ZNF793: variants seen among roughly 807,000 people sequenced by gnomAD.
ZNF793 encodes zinc finger protein 793.
In ZNF793, 5 loss-of-function variants were observed where a neutral mutation model predicts 12.4. The ratio of observed to expected loss-of-function variants is 0.40; its 90% confidence interval spans 0.21 to 0.84. The LOEUF (loss-of-function observed/expected upper bound fraction) is 0.84. ZNF793 is among the 40% of genes least tolerant of loss of function. The probability of loss-of-function intolerance (pLI) is 0.35; values close to 1 mark genes in which losing one functional copy is unlikely to be tolerated. For synonymous variants in ZNF793, 162 were observed against 172.4 expected (o/e 0.94, Z 0.47); for missense variants, 456 against 495.0 (o/e 0.92, Z 0.75).
At chr19:37,523,267 G>T in intron 4 of ZNF793, 143 bp from the exon 5 acceptor site, 1 of 667,880 alleles carries the variant, frequency 1.5e-6, no homozygotes, top group Non-Finnish European at 2.6e-6. Context: ...CAAATAAGGT[G>T]TAAGCCACCA....
intron 5 of ZNF793, among the ~76,000 whole-genome samples, chr19:37,528,867 C>T (rs1600416907): frequency 1.3e-5 from 2 of 152,184 alleles, no homozygotes; most frequent in South Asian, 4.1e-4. Context: ...GGGCACCCTG[C>T]TCTCCCCGTC....
At chr19:37,536,241 A>T (rs1472301483) in intron 7 of ZNF793, 1 of 390,672 alleles carries the variant, frequency 2.6e-6, no homozygotes, top group East Asian at 3.6e-5. Context: ...CCAACATGAT[A>T]TTCCCTTGGA....
rs2042550901 is a variant in ZNF793 at position 37,541,396 on chromosome 19, A to T, written c.*3517A>T. 6.6e-6 allele frequency: 1 copy of T among 152,376 alleles called. No individual in the cohort carries two copies. The highest frequency in any genetic ancestry group is 2.4e-5 in the African/African-American group (1 of 41,464). 9.4% of individuals were successfully genotyped at this position (152,376 alleles called of 1,614,324 possible). A position where few individuals can be genotyped will look rare whatever the true frequency, so the allele number is the denominator to read the frequency against. The stretch of plus-strand genomic sequence containing the variant: ...AAGCTATTTAGAAATAAGCAGTTGA[A>T]GGCTGGGTGCAGTGGCTCATGCCTG... On this transcript the variant is annotated 3_prime_UTR_variant, in exon 8 of 8. Transcript: ENST00000627814.
intron 2 of ZNF793, among the ~76,000 whole-genome samples, chr19:37,511,111 C>A (rs2042291776): frequency 6.6e-6 from 1 of 152,150 alleles, no homozygotes; most frequent in Admixed American, 6.6e-5. Context: ...CAGCCTAGAT[C>A]AAGATATTCA....
rs1373582333 is a variant in ZNF793 at position 37,537,934 on chromosome 19, TG to T, written c.*57del. 2.1e-6 allele frequency: 3 copies of T among 1,444,620 alleles called. No individual in the cohort carries two copies. The Admixed American group carries it at 8.1e-5, about 39-fold the overall frequency. 89.5% of individuals were successfully genotyped at this position (1,444,620 alleles called of 1,614,324 possible). ...GAATTTTTTTTTTTTTTTTTTGAGT[TG>T]GAATCTCACTTTGTCACCCAGGCTG... is the stretch of plus-strand genomic sequence containing the variant. On this transcript the variant is annotated 3_prime_UTR_variant, in exon 8 of 8. Coordinates refer to ENST00000627814, the MANE Select transcript of ZNF793 (RefSeq NM_001013659.3).
At chr19:37,527,809 C>T (rs2042427865) in intron 5 of ZNF793, among the ~76,000 whole-genome samples, 1 of 152,110 alleles carries the variant, frequency 6.6e-6, no homozygotes, top group South Asian at 2.1e-4. Flanking sequence ...ACAATTACAG[C>T]AAAAGCATAC....
chr19:37,530,120 T>C (rs2042446553), intron 5 of ZNF793, among the ~76,000 whole-genome samples: 1 of 152,142 alleles, frequency 6.6e-6, no homozygotes, highest in Non-Finnish European at 1.5e-5. Flanking sequence ...GCTTTAGATA[T>C]GCATACACAT....
rs1329816921 is a variant in ZNF793 at position 37,540,089 on chromosome 19, A to T, written c.*2210A>T. The T allele has an allele frequency of 1.3e-5, 2 of 151,988 alleles. No individual in the cohort carries two copies. The highest frequency in any genetic ancestry group is 4.8e-5 in the African/African-American group (2 of 41,364). 9.4% of individuals were successfully genotyped at this position (151,988 alleles called of 1,614,324 possible). ...TGAGGTCAGAAGTTCGAGATGGTGA[A>T]ACCCCATCTCTACTAAAAATACAAA... On this transcript the variant is annotated 3_prime_UTR_variant, in exon 8 of 8. Coordinates refer to ENST00000627814, the MANE Select transcript of ZNF793 (RefSeq NM_001013659.3).
At chr19:37,511,407 G>A (rs925498451) in intron 2 of ZNF793, among the ~76,000 whole-genome samples, 1 of 152,154 alleles carries the variant, frequency 6.6e-6, no homozygotes, top group Non-Finnish European at 1.5e-5. Flanking sequence ...AATGCCGGGC[G>A]TGGTGGCTCA....
Position 37,538,950 on chromosome 19 carries a change from C to CA in ZNF793, c.*1078dup, listed in dbSNP as rs1280459088. On this transcript the variant is annotated 3_prime_UTR_variant, in exon 8 of 8. Coordinates refer to ENST00000627814, the MANE Select transcript of ZNF793 (RefSeq NM_001013659.3). ...ATTGTCTTTTGATGTCTTAACAATACAAAAAAATAACAACAACATGGCCCA... is the reference window on the plus strand; with the variant it reads ...ATTGTCTTTTGATGTCTTAACAATACAAAAAAAATAACAACAACATGGCCCA... 1 of 151,998 alleles carries CA rather than the reference C, an allele frequency of 6.6e-6. No individual in the cohort carries two copies. The highest frequency in any genetic ancestry group is 1.5e-5 in the Non-Finnish European group (1 of 67,984). 9.4% of individuals were successfully genotyped at this position (151,998 alleles called of 1,614,324 possible). A position where few individuals can be genotyped will look rare whatever the true frequency, so the allele number is the denominator to read the frequency against.
intron 5 of ZNF793, 131 bp downstream of exon 5, chr19:37,523,585 T>G: frequency 1.2e-6 from 1 of 825,426 alleles, no homozygotes; most frequent in African/African-American, 1.7e-5. Context: ...GACTCATAGA[T>G]GGAGATTTTT....
intron 2 of ZNF793, among the ~76,000 whole-genome samples, chr19:37,515,373 T>C (rs1259591979): frequency 6.6e-6 from 1 of 151,870 alleles, no homozygotes; most frequent in Non-Finnish European, 1.5e-5. Context: ...AGTGGCGCAA[T>C]CTCAGCTCAC....
intron 7 of ZNF793, chr19:37,533,634 T>G (rs1482363204): frequency 2.1e-6 from 1 of 481,372 alleles, no homozygotes; most frequent in Non-Finnish European, 3.7e-6. Flanking sequence ...CTCCAGAATC[T>G]TTCCCATGCA....
Position 37,542,851 on chromosome 19 carries a change from T to A in ZNF793, c.*4972T>A, listed in dbSNP as rs1264370797. The A allele has an allele frequency of 6.5e-6, 1 of 154,350 alleles. No individual in the cohort carries two copies. The highest frequency in any genetic ancestry group is 1.4e-5 in the Non-Finnish European group (1 of 69,406). The allele number at this position is 154,350 out of a possible 1,614,324, so 9.6% of individuals were successfully genotyped here. Reference sequence around the variant, plus strand: ...ATATGTTTATTTGATTTTATGTGCATGAAGAAAAGTATAGAAGAGTATGCA... The same window carrying A: ...ATATGTTTATTTGATTTTATGTGCAAGAAGAAAAGTATAGAAGAGTATGCA... On this transcript the variant is annotated 3_prime_UTR_variant, in exon 8 of 8. Coordinates refer to ENST00000627814, the MANE Select transcript of ZNF793 (RefSeq NM_001013659.3).
At chr19:37,516,177 C>G (rs1217261146) in intron 2 of ZNF793, among the ~76,000 whole-genome samples, 1 of 152,186 alleles carries the variant, frequency 6.6e-6, no homozygotes, top group African/African-American at 2.4e-5. Flanking sequence ...TCTTCTTGCC[C>G]AGGCTGGAGT....
At chr19:37,531,075 G>A (rs2042456135) in intron 5 of ZNF793, among the ~76,000 whole-genome samples, 1 of 152,146 alleles carries the variant, frequency 6.6e-6, no homozygotes, top group Admixed American at 6.5e-5. Context: ...AATGCAAGAA[G>A]CTCACCTCAT....
intron 7 of ZNF793, chr19:37,533,683 T>A (rs1371060781): frequency 4.0e-6 from 2 of 500,620 alleles, no homozygotes. Context: ...ATTCTCCTGT[T>A]CCTGCTTCCT....
At chr19:37,510,133 G>A (rs890587449) in intron 2 of ZNF793, among the ~76,000 whole-genome samples, 2 of 152,078 alleles carry the variant, frequency 1.3e-5, no homozygotes, top group African/African-American at 4.8e-5. Context: ...GGCTGGGGTA[G>A]GAGGGTTGTT....
chr19:37,536,818 C>T, intron 7 of ZNF793, 79 bp from the exon 8 acceptor site: 1 of 1,442,576 alleles, frequency 6.9e-7, no homozygotes, highest in Non-Finnish European at 9.3e-7. Context: ...TATTTGTGTG[C>T]TGTGCACTCT....
Sources: gnomAD v4.1 joint callset for allele counts (sites outside exome capture counted in the v4.1 genomes callset) on GRCh38, gnomAD v4.1.1 for gene constraint, MANE v1.5 for transcripts, NCBI Gene and HGNC (gene_info 2026-07-23, HGNC 2026-07-21) for gene names.